The following SPOCK3 variants were observed in gnomAD, a reference collection of about 807,000 sequenced individuals.
The protein encoded by SPOCK3 is SPARC (osteonectin), cwcv and kazal like domains proteoglycan 3, also known as testican-3.
A neutral mutation model predicts 56.6 loss-of-function variants in SPOCK3; 30 were observed. The observed-to-expected ratio is 0.53, with a 90% confidence interval of 0.40 to 0.72. The LOEUF is 0.72. Among genes scored for constraint, SPOCK3 ranks in the 30% least tolerant of loss-of-function variants. The pLI, the probability that SPOCK3 is intolerant of heterozygous loss-of-function variation, is 0.00. For synonymous variants in SPOCK3, 196 were observed against 183.3 expected (o/e 1.07, Z -0.56); for missense variants, 527 against 530.0 (o/e 0.99, Z 0.06).
chr4:166,844,242 C>T (rs1309598413), intron 6 of SPOCK3, among the ~76,000 whole-genome samples: 1 of 152,182 alleles, frequency 6.6e-6, no homozygotes, highest in Admixed American at 6.5e-5. Context: ...AGTTACTCGA[C>T]TTATATTAAC....
chr4:167,176,359 C>G (rs916383734), intron 2 of SPOCK3, among the ~76,000 whole-genome samples: 2 of 152,110 alleles, frequency 1.3e-5, no homozygotes, highest in South Asian at 2.1e-4. Flanking sequence ...GATTAGCACA[C>G]GGAAGCAACC....
chr4:167,215,560 A>G (rs192530212), intron 2 of SPOCK3, among the ~76,000 whole-genome samples: 72 of 152,302 alleles, frequency 4.7e-4, no homozygotes, highest in African/African-American at 1.7e-3. Context: ...GAAGACACAA[A>G]AAAAGAAAGA....
intron 3 of SPOCK3, among the ~76,000 whole-genome samples, chr4:167,005,718 C>G (rs1189069187): frequency 6.6e-6 from 1 of 152,118 alleles, no homozygotes; most frequent in Non-Finnish European, 1.5e-5. Context: ...CTTACAATCA[C>G]AAAACCCAAA....
intron 4 of SPOCK3, among the ~76,000 whole-genome samples, chr4:166,981,200 G>A (rs906923490): frequency 6.6e-6 from 1 of 150,698 alleles, no homozygotes; most frequent in Admixed American, 6.6e-5. Context: ...TTCCGTGAGT[G>A]TCCAGGTCTC....
chr4:167,171,328 C>A (rs1247776716), intron 2 of SPOCK3, among the ~76,000 whole-genome samples: 3 of 152,072 alleles, frequency 2.0e-5, no homozygotes. Context: ...ATAAGGTATT[C>A]AGTTCATCAT....
intron 2 of SPOCK3, among the ~76,000 whole-genome samples, chr4:167,109,297 T>C (rs1176466404): frequency 4.5e-5 from 4 of 88,678 alleles, no homozygotes; most frequent in African/African-American, 1.8e-4. Context: ...TTATTATAAA[T>C]AATAATTATT....
chr4:167,116,371 CAA>C (rs1319553684), intron 2 of SPOCK3, among the ~76,000 whole-genome samples: 2 of 148,042 alleles, frequency 1.4e-5, no homozygotes, highest in Non-Finnish European at 3.0e-5. Flanking sequence ...AAATAAATTA[CAA>C]AAGTTATATA....
intron 4 of SPOCK3, among the ~76,000 whole-genome samples, chr4:166,959,433 C>A (rs1167183469): frequency 6.6e-6 from 1 of 151,690 alleles, no homozygotes; most frequent in Non-Finnish European, 1.5e-5. Context: ...GCCAGCATAG[C>A]GAAACCCCAT....
chr4:166,824,014 G>C (rs1191829003), intron 6 of SPOCK3, among the ~76,000 whole-genome samples: 1 of 152,012 alleles, frequency 6.6e-6, no homozygotes, highest in Non-Finnish European at 1.5e-5. Context: ...CTTCCAGGGA[G>C]TTCTCTGACC....
intron 2 of SPOCK3, among the ~76,000 whole-genome samples, chr4:167,176,760 G>A (rs1731021144): frequency 1.3e-5 from 2 of 152,018 alleles, no homozygotes; most frequent in Admixed American, 1.3e-4. Flanking sequence ...TCATAACATG[G>A]CAGGGAAATC....
intron 6 of SPOCK3, among the ~76,000 whole-genome samples, chr4:166,870,429 C>T (rs564809783): frequency 2.6e-5 from 4 of 151,864 alleles, no homozygotes; most frequent in East Asian, 3.9e-4. Context: ...GTGCATGGAA[C>T]GTTCACCAAG....
intron 6 of SPOCK3, among the ~76,000 whole-genome samples, chr4:166,836,765 T>C (rs1329020250): frequency 1.3e-5 from 2 of 152,194 alleles, no homozygotes; most frequent in African/African-American, 2.4e-5. Context: ...GACCTTAGCC[T>C]GAGAAAGAAT....
At chr4:167,145,103 C>T (rs1464424198) in intron 2 of SPOCK3, among the ~76,000 whole-genome samples, 1 of 151,800 alleles carries the variant, frequency 6.6e-6, no homozygotes, top group African/African-American at 2.4e-5. Context: ...TGGGGAGAAA[C>T]TGATTCTGGA....
chr4:167,080,277 G>A (rs1757589278), intron 2 of SPOCK3, among the ~76,000 whole-genome samples: 1 of 152,078 alleles, frequency 6.6e-6, no homozygotes, highest in African/African-American at 2.4e-5. Flanking sequence ...CTGAGGAAGT[G>A]AGAAGGCATA....
intron 3 of SPOCK3, among the ~76,000 whole-genome samples, chr4:167,019,558 A>G (rs1360339245): frequency 1.3e-5 from 2 of 151,800 alleles, no homozygotes; most frequent in Non-Finnish European, 2.9e-5. Flanking sequence ...AAATACTACA[A>G]AGTATGCAGT....
At chr4:167,215,585 G>A (rs912830211) in intron 2 of SPOCK3, among the ~76,000 whole-genome samples, 5 of 152,162 alleles carry the variant, frequency 3.3e-5, no homozygotes, top group African/African-American at 4.8e-5. Flanking sequence ...TGAATGTGGC[G>A]TGAAGATAGG....
chr4:166,947,898 GC>G (rs1741977099), intron 4 of SPOCK3, among the ~76,000 whole-genome samples: 1 of 152,000 alleles, frequency 6.6e-6, no homozygotes, highest in South Asian at 2.1e-4. Flanking sequence ...ATTTCTTCTA[GC>G]TTTTTGAAAT....
intron 2 of SPOCK3, among the ~76,000 whole-genome samples, chr4:167,092,447 CA>C (rs1310549556): frequency 2.0e-5 from 3 of 152,120 alleles, no homozygotes; most frequent in Admixed American, 1.3e-4. Flanking sequence ...GCCTTTCTTT[CA>C]GTTCTCTCTC....
intron 2 of SPOCK3, among the ~76,000 whole-genome samples, chr4:167,144,312 A>G (rs1302101196): frequency 9.9e-5 from 15 of 152,030 alleles, no homozygotes; most frequent in Non-Finnish European, 1.9e-4. Context: ...AAAAATATCC[A>G]TTATTTATAA....
Sources: gnomAD v4.1 joint callset for allele counts (sites outside exome capture counted in the v4.1 genomes callset) on GRCh38, gnomAD v4.1.1 for gene constraint, MANE v1.5 for transcripts, NCBI Gene and HGNC (gene_info 2026-07-23, HGNC 2026-07-21) for gene names.